TASOR2: variants seen among roughly 807,000 people sequenced by gnomAD.
TASOR2 encodes transcription activation suppressor family member 2, also known as protein TASOR 2.
TASOR2 carries 84 observed loss-of-function variants against 199.5 expected under a neutral mutation model. The ratio of observed to expected loss-of-function variants is 0.42; its 90% CI spans 0.35 to 0.50. TASOR2 has a LOEUF of 0.50. TASOR2 is among the 20% of genes least tolerant of loss of function. The probability of loss-of-function intolerance (pLI) is 0.02; values close to 1 mark genes in which losing one functional copy is unlikely to be tolerated. For missense variants in TASOR2, 2,796 were observed against 2,835.9 expected, an observed-to-expected ratio of 0.99 and a Z score of 0.32; for synonymous variants, 1,103 against 1,046.6, an observed-to-expected ratio of 1.05 and a Z score of -1.04.
chr10:5,747,518 C>T lies in TASOR2; in HGVS notation c.4097C>T (p.Pro1366Leu), dbSNP rs751543454. The change falls in exon 15 of 21, where the codon CCA (proline) becomes CTA (leucine). Residue 1366 changes from proline to leucine, a missense_variant. Physicochemically the swap from Pro to Leu is moderately conservative, Grantham distance 98. Transcript: ENST00000328090. ...GAGAGAAAGGGGGATAATTTACAAC[C>T]AGTTACTTTAATACTTTCTAAAGAA... 3.7e-6 allele frequency: 6 copies of T among 1,613,994 alleles called. No individual in the cohort carries two copies. In the South Asian group the frequency reaches 4.4e-5, roughly 12 times the overall value.
intron 19 of TASOR2, 129 bp from the exon 21 acceptor site, chr10:5,762,403 A>G: frequency 2.5e-6 from 1 of 397,450 alleles, no homozygotes; most frequent in East Asian, 3.9e-5. Flanking sequence ...TTGGAACCCA[A>G]CACCTTTTCT....
At chr10:5,727,394 T>C (rs1834182551) in intron 10 of TASOR2, among the ~76,000 whole-genome samples, 1 of 152,194 alleles carries the variant, frequency 6.6e-6, no homozygotes, top group African/African-American at 2.4e-5. Context: ...CTGAATTCAT[T>C]TATTATTAAA....
chr10:5,747,436 T>C (rs1415657548), exon 15 of TASOR2: 1 of 1,614,034 alleles, frequency 6.2e-7, no homozygotes, highest in Non-Finnish European at 8.5e-7. Flanking sequence ...AGAAGTGAGT[T>C]CTGCTGACAA....
intron 2 of TASOR2, chr10:5,714,489 C>G (rs576095688): frequency 3.8e-6 from 1 of 260,102 alleles, no homozygotes; most frequent in East Asian, 6.9e-5. Flanking sequence ...AACTTGGCAA[C>G]TATGGAATGT....
At chr10:5,726,177 A>G (rs72774078) in intron 8 of TASOR2, among the ~76,000 whole-genome samples, 25,959 of 152,142 alleles carry the variant, frequency 0.17, 2,506 homozygotes, top group Admixed American at 0.23. Context: ...AGCAGTGGAA[A>G]AGAAAAACTA....
rs1838518026 is a variant in TASOR2 at position 5,754,270 on chromosome 10, AGAGT to A, written c.6607-2339_6607-2336del. On this transcript the variant is annotated intron_variant, in intron 15 of 20. Transcript: ENST00000328090. The surrounding 1 kb of genome is among the most constrained non-coding windows in gnomAD (Gnocchi z 4.3). ...CCACTGTGCTCCCAGCCTGCCCGAC[AGAGT>A]GAGACTCCACAACAGAGCAGTAATC... is the stretch of plus-strand genomic sequence containing the variant. Among the ~76,000 whole-genome samples the A allele has an allele frequency of 6.6e-6, 1 of 152,208 alleles. No homozygotes were observed. The highest frequency in any genetic ancestry group is 2.1e-4 in the South Asian group (1 of 4,836).
chr10:5,712,174 T>C (rs1832007203), intron 1 of TASOR2: 2 of 294,338 alleles, frequency 6.8e-6, no homozygotes, highest in South Asian at 3.2e-4. Context: ...GCAGGACATA[T>C]TTTAGCTCCT....
Position 5,738,959 on chromosome 10 carries a change from G to T in TASOR2, c.1448-659G>T, listed in dbSNP as rs1034790169. On this transcript the variant is annotated intron_variant, in intron 12 of 20. Transcript: ENST00000328090. This position sits in a 1 kb window ranked among gnomAD's most constrained non-coding sequence, Gnocchi z 4.7. Reference sequence around the variant, plus strand: ...TGCTCTTTCTTGGATAATGTAAAAGGTCAATGTTTTTGGTAATGAAAGTAA... The same window carrying T: ...TGCTCTTTCTTGGATAATGTAAAAGTTCAATGTTTTTGGTAATGAAAGTAA... Among the ~76,000 whole-genome samples the T allele has an allele frequency of 5.3e-5, 8 of 152,180 alleles. No homozygotes were observed. Among genetic ancestry groups the T allele is most frequent in the African/African-American group, 7.2e-5 (3 of 41,440 alleles).
At position 5,754,537 on chromosome 10, in the gene TASOR2, G is replaced by C. The variant is rs1442035300; in HGVS notation, c.6607-2076G>C. Among the ~76,000 whole-genome samples, 1 of 151,934 alleles carries C rather than the reference G, an allele frequency of 6.6e-6. No homozygotes were observed. Among genetic ancestry groups the C allele is most frequent in the Non-Finnish European group, 1.5e-5 (1 of 68,004 alleles). ...CTCGAATAGCTGGGATTACAGGTGC[G>C]TGCCACCATGCCTGGCTAATTTTTG... On this transcript the variant is annotated intron_variant, in intron 15 of 20. Transcript: ENST00000328090. The surrounding 1 kb of genome is among the most constrained non-coding windows in gnomAD (Gnocchi z 4.3).
At chr10:5,725,665 T>C (rs1218045334) in intron 8 of TASOR2, among the ~76,000 whole-genome samples, 1 of 152,100 alleles carries the variant, frequency 6.6e-6, no homozygotes, top group Non-Finnish European at 1.5e-5. Context: ...CCTGTAGTCC[T>C]GGCTACTCCG....
exon 21 of TASOR2, chr10:5,763,124 AAC>A (rs79427500): frequency 0.14 from 166,462 of 1,209,518 alleles, 12,082 homozygotes; most frequent in East Asian, 0.2. Flanking sequence ...TACACATGTG[AAC>A]AGTCTTACAT....
intron 1 of TASOR2, among the ~76,000 whole-genome samples, chr10:5,696,315 G>A (rs866737092): frequency 4.6e-5 from 7 of 152,158 alleles, no homozygotes; most frequent in Non-Finnish European, 7.4e-5. Flanking sequence ...GAGTACAGCC[G>A]CTGGTCAGGA....
exon 8 of TASOR2, chr10:5,724,473 G>C (rs1355998444): frequency 1.3e-6 from 2 of 1,536,666 alleles, no homozygotes; most frequent in South Asian, 2.6e-5. Context: ...AGGTAGAACT[G>C]TCAAACAGAC....
chr10:5,688,044 CTA>C, intron 1 of TASOR2, among the ~76,000 whole-genome samples: 1 of 152,230 alleles, frequency 6.6e-6, no homozygotes, highest in Non-Finnish European at 1.5e-5. Flanking sequence ...CCTTTAATGA[CTA>C]GAGTCTCATC....
chr10:5,742,191 A>T lies in TASOR2; in HGVS notation c.2422A>T (p.Ile808Leu). ...GTTTTACAGCAATCAGAACAAAATCATACGATCTTCCCGAAAGGTTGTAGA... is the reference window on the plus strand; with the variant it reads ...GTTTTACAGCAATCAGAACAAAATCTTACGATCTTCCCGAAAGGTTGTAGA... Residue 808 changes from isoleucine (I) to leucine (L), a missense_variant, in exon 14 of 21, where the codon ATA (isoleucine) becomes TTA (leucine). Around this residue, in one of 3 missense-constraint regions of TASOR2, gnomAD observed 1,941 missense variants for 1,924.9 expected, o/e 1.01. Transcript: ENST00000328090. This position sits in a 1 kb window ranked among gnomAD's most constrained non-coding sequence, Gnocchi z 4.2. 1.2e-6 allele frequency: 2 copies of T among 1,614,222 alleles called. No individual in the cohort carries two copies. Among genetic ancestry groups the T allele is most frequent in the Non-Finnish European group, 1.7e-6 (2 of 1,180,026 alleles).
In TASOR2 at chr10:5,752,001, C is replaced by G. The variant is rs754766932; in HGVS notation, c.6606+1974C>G. 8.6e-5 allele frequency among the ~76,000 whole-genome samples: 13 copies of G among 152,040 alleles called. No homozygotes were observed. The highest frequency in any genetic ancestry group is 1.5e-4 in the Non-Finnish European group (10 of 68,020). On this transcript the variant is annotated intron_variant, in intron 15 of 20. Coordinates refer to ENST00000328090, the Ensembl canonical transcript of TASOR2. The surrounding 1 kb of genome is among the most constrained non-coding windows in gnomAD (Gnocchi z 4.4). ...TTGTCCCTCCCAAGTCCCCCTCCCC[C>G]ATCCTCCTCCCAACCCCAGGTATAA...
chr10:5,749,907 CAT>C lies in TASOR2; in HGVS notation c.6488_6489del (p.Ile2163ArgfsTer19), dbSNP rs1238478857. ...GGTCAGCCTCCTATGAAGACATAAT[CAT>C]AGACGTGTGCACCAATTTGCACGTC... On this transcript the variant is annotated frameshift_variant, in exon 15 of 21. Transcript: ENST00000328090. LOFTEE classifies it high-confidence loss of function. 1.9e-6 allele frequency: 3 copies of C among 1,614,040 alleles called. No homozygotes were observed. The highest frequency in any genetic ancestry group is 2.5e-6 in the Non-Finnish European group (3 of 1,180,034).
chr10:5,743,457 T>A (rs774375404), intron 14 of TASOR2, among the ~76,000 whole-genome samples: 13 of 152,170 alleles, frequency 8.5e-5, no homozygotes, highest in Non-Finnish European at 1.5e-4. Context: ...AATCTCCCCA[T>A]TACATAGATG....
Position 5,749,024 on chromosome 10 carries a change from C to A in TASOR2, c.5603C>A (p.Ser1868Ter). The change falls in exon 15 of 21, where the codon TCG (serine) becomes TAG (stop). Residue 1868 changes from serine (S) to a stop codon, truncating the protein, a stop_gained. Transcript: ENST00000328090. LOFTEE classifies it high-confidence loss of function. Reference sequence around the variant, plus strand: ...GATGTTCCCACAGATGGCTATGAGTCGTCGTTGAACTTCCACAACAACAAC... The same window carrying A: ...GATGTTCCCACAGATGGCTATGAGTAGTCGTTGAACTTCCACAACAACAAC... 3 of 1,614,102 alleles carry A rather than the reference C, an allele frequency of 1.9e-6. No individual in the cohort carries two copies. Among genetic ancestry groups the A allele is most frequent in the African/African-American group, 1.3e-5 (1 of 75,016 alleles).
Sources: allele counts gnomAD v4.1 joint callset (sites outside exome capture counted in the v4.1 genomes callset), GRCh38; gene constraint gnomAD v4.1.1; regional missense constraint gnomAD v4.1.1; non-coding constraint Gnocchi (gnomAD v3.1); transcripts MANE v1.5; gene names NCBI Gene and HGNC (gene_info 2026-07-23, HGNC 2026-07-21).